BAZ2B: variants seen among roughly 807,000 people sequenced by gnomAD.
BAZ2B encodes bromodomain adjacent to zinc finger domain 2B, also known as bromodomain adjacent to zinc finger domain protein 2B.
In BAZ2B, 91 loss-of-function variants were observed where a neutral mutation model predicts 246.0. The ratio of observed to expected loss-of-function variants is 0.37; its 90% CI spans 0.31 to 0.44. The LOEUF (loss-of-function observed/expected upper bound fraction) is 0.44, where lower values mean the gene tolerates loss of function less well. Ranked by LOEUF, BAZ2B falls within the 20% of genes least tolerant of loss-of-function variation. The pLI, the probability that BAZ2B is intolerant of heterozygous loss-of-function variation, is 1.00. For synonymous variants in BAZ2B, 855 were observed against 860.0 expected (o/e 0.99, Z 0.10); for missense variants, 2,332 against 2,533.7 (o/e 0.92, Z 1.71).
At chr2:159,586,431 C>T (rs533238515) in intron 1 of BAZ2B, among the ~76,000 whole-genome samples, 1 of 152,116 alleles carries the variant, frequency 6.6e-6, no homozygotes, top group Non-Finnish European at 1.5e-5. Context: ...TAAATTACTA[C>T]TAACCTTGCT....
rs34745357 is a variant in BAZ2B, at chr2:159,349,268, C to T, written c.4876G>A (p.Val1626Ile). ...ALSPLQVKGG[V>I]SMMGLQFCGW... ...CAAAACTGAAGTCCCATCATAGATA[C>T]TCCACCTTTCACCTGCAAAAAGAAA... The change falls in exon 29 of 37, where the codon GTA becomes ATA. Residue 1626 changes from valine to isoleucine, a missense_variant. This residue lies in a region of BAZ2B where 676 missense variants were observed against 668.6 expected (regional missense o/e 1.01). Transcript: ENST00000392783. 14 of 1,600,794 alleles carry T rather than the reference C, an allele frequency of 8.7e-6. 1 individual carries two copies. In the South Asian group the frequency reaches 1.5e-4, roughly 17 times the overall value.
At chr2:159,658,659 A>C in the BAZ2B span, among the ~76,000 whole-genome samples, 2 of 152,152 alleles carry the variant, frequency 1.3e-5, no homozygotes, top group African/African-American at 2.4e-5. Context: ...CTGGGACTAC[A>C]GGCACGCACC....
chr2:159,515,664 G>C (rs988950275), intron 2 of BAZ2B, among the ~76,000 whole-genome samples: 7 of 152,134 alleles, frequency 4.6e-5, no homozygotes, highest in African/African-American at 9.6e-5. Context: ...AGACAACTGA[G>C]GTAAGCAGTT....
intron 1 of BAZ2B, among the ~76,000 whole-genome samples, chr2:159,565,833 C>G (rs988482149): frequency 6.7e-6 from 1 of 150,260 alleles, no homozygotes; most frequent in Non-Finnish European, 1.5e-5. Flanking sequence ...TTGTATCTGT[C>G]CTTGCTGCTG....
At chr2:159,360,189 T>C (rs965571731) in intron 27 of BAZ2B, among the ~76,000 whole-genome samples, 1 of 152,222 alleles carries the variant, frequency 6.6e-6, no homozygotes, top group Non-Finnish European at 1.5e-5. Flanking sequence ...GATGACATGA[T>C]TGTATATTTA....
At chr2:159,474,748 A>C (rs950961414) in intron 3 of BAZ2B, among the ~76,000 whole-genome samples, 5 of 152,134 alleles carry the variant, frequency 3.3e-5, no homozygotes, top group Non-Finnish European at 4.4e-5. Flanking sequence ...GTAAGGCAGG[A>C]CTGGTGGTAA....
intron 2 of BAZ2B, among the ~76,000 whole-genome samples, chr2:159,545,700 T>C (rs2087234834): frequency 6.6e-6 from 1 of 152,186 alleles, no homozygotes; most frequent in South Asian, 2.1e-4. Flanking sequence ...GAATAAAATA[T>C]AATCTATGCC....
chr2:159,566,016 C>CT (rs888251450), intron 1 of BAZ2B, among the ~76,000 whole-genome samples: 6 of 151,974 alleles, frequency 3.9e-5, no homozygotes, highest in South Asian at 4.2e-4. Flanking sequence ...GCAATGTTGA[C>CT]TTTTTTGTTT....
chr2:159,441,980 T>C (rs1247734161), intron 6 of BAZ2B, among the ~76,000 whole-genome samples: 1 of 152,212 alleles, frequency 6.6e-6, no homozygotes, highest in Admixed American at 6.5e-5. Context: ...GTACCAGGCA[T>C]AGTTGCTCAA....
intron 26 of BAZ2B, among the ~76,000 whole-genome samples, chr2:159,374,451 T>C (rs73967852): frequency 0.016 from 2,394 of 152,268 alleles, 73 homozygotes; most frequent in African/African-American, 0.055. Context: ...AAGTTCAATA[T>C]CACGTTTTAA....
At chr2:159,661,569 T>A in the BAZ2B span, among the ~76,000 whole-genome samples, 1 of 152,274 alleles carries the variant, frequency 6.6e-6, no homozygotes. Context: ...ACACATAGGG[T>A]TCTAATTCCT....
chr2:159,606,349 T>A (rs1693493813), intron 1 of BAZ2B, among the ~76,000 whole-genome samples: 1 of 152,220 alleles, frequency 6.6e-6, no homozygotes, highest in South Asian at 2.1e-4. Flanking sequence ...AGAGCCTGTT[T>A]TTCTCAGCAT....
upstream of BAZ2B, among the ~76,000 whole-genome samples, chr2:159,620,813 C>T (rs771320766): frequency 1.3e-5 from 2 of 152,032 alleles, no homozygotes; most frequent in African/African-American, 2.4e-5. Context: ...GGCCTAAGTA[C>T]CATGGTAAGG....
chr2:159,541,790 T>TA (rs1358842112), intron 2 of BAZ2B, among the ~76,000 whole-genome samples: 1 of 152,162 alleles, frequency 6.6e-6, no homozygotes, highest in African/African-American at 2.4e-5. Context: ...GCCTTTAAGT[T>TA]ACTGTCCAGG....
intron 2 of BAZ2B, among the ~76,000 whole-genome samples, chr2:159,517,393 TCAAA>T (rs2083544551): frequency 6.6e-6 from 1 of 151,916 alleles, no homozygotes; most frequent in South Asian, 2.1e-4. Context: ...GCCATGGGTA[TCAAA>T]CAAACAAAAA....
the BAZ2B span, among the ~76,000 whole-genome samples, chr2:159,656,335 A>C: frequency 7.5e-6 from 1 of 133,472 alleles, no homozygotes; most frequent in East Asian, 2.0e-4. Flanking sequence ...ATACTGACAC[A>C]TTATTAACTA....
the BAZ2B span, among the ~76,000 whole-genome samples, chr2:159,709,339 T>C: frequency 6.6e-6 from 1 of 152,120 alleles, no homozygotes; most frequent in Admixed American, 6.6e-5. Context: ...GGATGGTTAA[T>C]GGGTACAAAT....
chr2:159,331,666 C>T lies in BAZ2B; in HGVS notation c.5943+874G>A, dbSNP rs142387978. Among the ~76,000 whole-genome samples, 683 of 152,262 alleles carry T rather than the reference C, an allele frequency of 4.5e-3. 3 individuals are homozygous for T. Among genetic ancestry groups the T allele is most frequent in the African/African-American group, 0.016 (657 of 41,556 alleles). On this transcript the variant is annotated intron_variant, in intron 34 of 36. Transcript: ENST00000392783. Reference sequence around the variant, plus strand: ...TGCTTGAATTACAGGTGTGAGCCAACATACCCAGGCCTTAAAGCCTTGAAT... The same window carrying T: ...TGCTTGAATTACAGGTGTGAGCCAATATACCCAGGCCTTAAAGCCTTGAAT...
At chr2:159,495,484 C>CAAAAAAAAAA (rs56365046) in intron 2 of BAZ2B, among the ~76,000 whole-genome samples, 3 of 73,214 alleles carry the variant, frequency 4.1e-5, no homozygotes, top group Non-Finnish European at 4.6e-5. Flanking sequence ...GACTCCGTCT[C>CAAAAAAAAAA]AAAAAAAAAA....
Sources: gnomAD v4.1 joint callset for allele counts (sites outside exome capture counted in the v4.1 genomes callset) on GRCh38, gnomAD v4.1.1 for gene constraint, gnomAD v4.1.1 regional missense constraint, MANE v1.5 for transcripts, NCBI Gene and HGNC (gene_info 2026-07-23, HGNC 2026-07-21) for gene names.